ZNF804B: variants seen among roughly 807,000 people sequenced by gnomAD.
ZNF804B encodes zinc finger 804B.
Under a neutral mutation model 101.4 loss-of-function variants are expected in ZNF804B, and 80 were observed. That is an observed-to-expected ratio of 0.79 (90% CI 0.66 to 0.95). The LOEUF (loss-of-function observed/expected upper bound fraction) is 0.95. Among genes scored for constraint, ZNF804B ranks in the 40% least tolerant of loss-of-function variants. ZNF804B has a pLI of 0.00. For synonymous variants in ZNF804B, 622 were observed against 558.8 expected, an observed-to-expected ratio of 1.11 and a Z score of -1.59; for missense variants, 1,673 against 1,561.9, an observed-to-expected ratio of 1.07 and a Z score of -1.20.
intron 1 of ZNF804B, among the ~76,000 whole-genome samples, chr7:88,850,496 G>A (rs1011586919): frequency 3.9e-5 from 6 of 152,094 alleles, no homozygotes; most frequent in Non-Finnish European, 7.4e-5. Context: ...AAAAGGATTA[G>A]CGGAAACATC....
chr7:89,312,947 T>C (rs1361642290), intron 2 of ZNF804B, among the ~76,000 whole-genome samples: 2 of 152,218 alleles, frequency 1.3e-5, no homozygotes, highest in African/African-American at 2.4e-5. Context: ...TTGATTGTAG[T>C]GTTATTCAAA....
chr7:89,172,166 C>G (rs62463564), intron 1 of ZNF804B, among the ~76,000 whole-genome samples: 30,675 of 151,768 alleles, frequency 0.2, 3,308 homozygotes, highest in Non-Finnish European at 0.23. Flanking sequence ...ACTCAGAGAC[C>G]AATTGAAGAA....
At chr7:88,795,086 G>T in intron 1 of ZNF804B, 1 of 647,276 alleles carries the variant, frequency 1.5e-6, no homozygotes, top group Non-Finnish European at 2.4e-6. Context: ...TTTGTCAAAT[G>T]TTACTAAATA....
chr7:88,975,763 G>C (rs1307264036), intron 1 of ZNF804B, among the ~76,000 whole-genome samples: 1 of 151,580 alleles, frequency 6.6e-6, no homozygotes. Context: ...CTCTGCAGAA[G>C]CTTTTTAATT....
intron 1 of ZNF804B, among the ~76,000 whole-genome samples, chr7:89,037,101 A>T (rs2116241695): frequency 6.6e-6 from 1 of 152,286 alleles, no homozygotes; most frequent in Non-Finnish European, 1.5e-5. Context: ...ATGTAAGGGC[A>T]GATGTTATCA....
At chr7:89,306,399 A>T (rs1306719955) in intron 2 of ZNF804B, among the ~76,000 whole-genome samples, 1 of 151,946 alleles carries the variant, frequency 6.6e-6, no homozygotes, top group Non-Finnish European at 1.5e-5. Flanking sequence ...CTCTTATTAA[A>T]ACTCAACACC....
chr7:89,327,042 C>A (rs976611835), intron 2 of ZNF804B, among the ~76,000 whole-genome samples: 1 of 151,898 alleles, frequency 6.6e-6, no homozygotes, highest in African/African-American at 2.4e-5. Flanking sequence ...ATGTTTTTCC[C>A]ATTTGTGTTT....
chr7:89,189,353 G>T (rs1294910306), intron 1 of ZNF804B, among the ~76,000 whole-genome samples: 1 of 152,108 alleles, frequency 6.6e-6, no homozygotes, highest in African/African-American at 2.4e-5. Flanking sequence ...TAAGGAGACT[G>T]TTGACCTAAA....
intron 1 of ZNF804B, among the ~76,000 whole-genome samples, chr7:88,908,160 A>T (rs1406371374): frequency 6.6e-6 from 1 of 151,832 alleles, no homozygotes; most frequent in Non-Finnish European, 1.5e-5. Flanking sequence ...AAACATTTGA[A>T]TTTGATGGTT....
intron 1 of ZNF804B, among the ~76,000 whole-genome samples, chr7:89,120,521 G>C (rs937177458): frequency 6.6e-6 from 1 of 151,486 alleles, no homozygotes; most frequent in African/African-American, 2.4e-5. Flanking sequence ...AGCCGGGCGT[G>C]GTGGTGGGTG....
intron 1 of ZNF804B, among the ~76,000 whole-genome samples, chr7:88,836,351 C>CA (rs1269482364): frequency 6.6e-6 from 1 of 151,782 alleles, no homozygotes; most frequent in Admixed American, 6.6e-5. Context: ...TTGATCATTT[C>CA]AAAAGTAGAG....
chr7:89,334,091 C>T lies in ZNF804B; in HGVS notation c.1109C>T (p.Pro370Leu). The change falls in exon 4 of 4, where the codon CCA becomes CTA. Residue 370 changes from proline to leucine, a missense_variant. Transcript: ENST00000333190. The part of the protein sequence containing the change: ...PCQANASFSP[P>L]NIYNHSDARI... ...CAAGCAAATGCTTCCTTCAGCCCAC[C>T]AAACATTTACAACCATAGTGATGCC... 6.2e-7 allele frequency: 1 copy of T among 1,613,652 alleles called. No individual in the cohort carries two copies. Among genetic ancestry groups the T allele is most frequent in the Non-Finnish European group, 8.5e-7 (1 of 1,179,820 alleles).
intron 1 of ZNF804B, among the ~76,000 whole-genome samples, chr7:88,932,153 A>C (rs1792896954): frequency 1.3e-5 from 2 of 151,898 alleles, no homozygotes; most frequent in African/African-American, 4.8e-5. Context: ...AGTCACAGAC[A>C]AAATGGGTAT....
intron 2 of ZNF804B, among the ~76,000 whole-genome samples, chr7:89,277,877 G>T (rs930823602): frequency 1.1e-4 from 16 of 152,036 alleles, no homozygotes; most frequent in Non-Finnish European, 1.6e-4. Context: ...TAATGGGATG[G>T]CTGGGTCAAA....
rs1562812908 is a variant in ZNF804B at position 88,854,529 on chromosome 7, T to TCCTTCCCTTC, written c.108+94451_108+94452insCTTCCCTTCC. On this transcript the variant is annotated intron_variant, in intron 1 of 3. Coordinates refer to ENST00000333190, the MANE Select transcript of ZNF804B (RefSeq NM_181646.5). ...TTCCTTTCCTTTCCTTTCCTTCCTT[T>TCCTTCCCTTC]CCTTCCTTCCTTCCTTCCTTCCTTC... is the stretch of plus-strand genomic sequence containing the variant. 5.4e-4 allele frequency among the ~76,000 whole-genome samples: 31 copies of TCCTTCCCTTC among 57,914 alleles called. 1 individual carries two copies. The highest frequency in any genetic ancestry group is 2.3e-3 in the South Asian group (3 of 1,320). 38.0% of individuals were successfully genotyped at this position (57,914 alleles called of 152,430 possible). A position where few individuals can be genotyped will look rare whatever the true frequency, so the allele number is the denominator to read the frequency against.
At chr7:89,069,742 G>C (rs543633154) in intron 1 of ZNF804B, among the ~76,000 whole-genome samples, 57 of 152,012 alleles carry the variant, frequency 3.7e-4, no homozygotes, top group Non-Finnish European at 7.2e-4. Flanking sequence ...TTTTCCCCCA[G>C]TATTTAGCAC....
chr7:89,187,185 G>T (rs1265565875), intron 1 of ZNF804B, among the ~76,000 whole-genome samples: 2 of 152,052 alleles, frequency 1.3e-5, no homozygotes, highest in African/African-American at 2.4e-5. Context: ...AAAACACTTG[G>T]CAGGGAATTA....
chr7:89,257,603 G>GTA (rs1000886794), intron 2 of ZNF804B, among the ~76,000 whole-genome samples: 4 of 151,740 alleles, frequency 2.6e-5, no homozygotes, highest in Non-Finnish European at 2.9e-5. Flanking sequence ...ATTTATAATT[G>GTA]TATATATATA....
chr7:88,795,274 A>T (rs894852739), intron 1 of ZNF804B, among the ~76,000 whole-genome samples: 2 of 152,170 alleles, frequency 1.3e-5, no homozygotes, highest in African/African-American at 4.8e-5. Context: ...ATTGTCCTTT[A>T]TAAGCCAAAT....
Sources: gnomAD v4.1 joint callset for allele counts (sites outside exome capture counted in the v4.1 genomes callset) on GRCh38, gnomAD v4.1.1 for gene constraint, MANE v1.5 for transcripts, NCBI Gene and HGNC (gene_info 2026-07-23, HGNC 2026-07-21) for gene names.